The following NAPB variants were observed in gnomAD, a reference collection of about 807,000 sequenced individuals.
NAPB encodes the protein beta-soluble NSF attachment protein.
NAPB carries 26 observed loss-of-function variants against 44.7 expected under a neutral mutation model. The ratio of observed to expected loss-of-function variants is 0.58; its 90% CI spans 0.43 to 0.81. NAPB has a LOEUF of 0.81. Among genes scored for constraint, NAPB ranks in the 30% least tolerant of loss-of-function variants. NAPB has a pLI of 0.00. For synonymous variants in NAPB, 120 were observed against 116.8 expected, an observed-to-expected ratio of 1.03 and a Z score of -0.18; for missense variants, 315 against 356.4, an observed-to-expected ratio of 0.88 and a Z score of 0.94.
At chr20:23,396,957 A>G in intron 3 of NAPB, 115 bp downstream of exon 3, 2 of 1,137,042 alleles carry the variant, frequency 1.8e-6, no homozygotes, top group Non-Finnish European at 2.4e-6. Flanking sequence ...CCAAAATACA[A>G]AAATTCCTTT....
chr20:23,381,787 G>C (rs1327650719), intron 7 of NAPB, among the ~76,000 whole-genome samples: 1 of 152,090 alleles, frequency 6.6e-6, no homozygotes, highest in African/African-American at 2.4e-5. Flanking sequence ...ACTAGAAAAG[G>C]GGCAGCCCAG....
intron 7 of NAPB, among the ~76,000 whole-genome samples, chr20:23,382,191 T>C (rs1983065091): frequency 6.6e-6 from 1 of 152,188 alleles, no homozygotes; most frequent in Non-Finnish European, 1.5e-5. Flanking sequence ...GGAGAGGGGA[T>C]GCCACTTCTG....
At chr20:23,418,419 A>G (rs191623878) in intron 1 of NAPB, among the ~76,000 whole-genome samples, 12 of 152,314 alleles carry the variant, frequency 7.9e-5, no homozygotes, top group African/African-American at 2.9e-4. Flanking sequence ...CTAAACATCT[A>G]AAATTGATAC....
chr20:23,399,515 T>C (rs899732222), intron 2 of NAPB, among the ~76,000 whole-genome samples: 1 of 152,188 alleles, frequency 6.6e-6, no homozygotes, highest in Non-Finnish European at 1.5e-5. Context: ...CTCTGAACAA[T>C]ACGTTCATTT....
intron 7 of NAPB, among the ~76,000 whole-genome samples, chr20:23,385,045 A>G (rs895856981): frequency 6.6e-6 from 1 of 151,896 alleles, no homozygotes; most frequent in African/African-American, 2.4e-5. Context: ...CTTGAATCCA[A>G]GAGGTAGAGG....
At chr20:23,385,877 A>G (rs887436911) in intron 7 of NAPB, among the ~76,000 whole-genome samples, 2 of 152,210 alleles carry the variant, frequency 1.3e-5, no homozygotes, top group South Asian at 2.1e-4. Context: ...ACATCACCCA[A>G]TAACAGCATA....
chr20:23,403,112 A>G, intron 1 of NAPB, 40 bp from the exon 2 acceptor site: 1 of 1,430,528 alleles, frequency 7.0e-7, no homozygotes, highest in Non-Finnish European at 9.8e-7. Context: ...ACAACCATCC[A>G]CATCTCTAAT....
chr20:23,421,292 G>T lies in NAPB; in HGVS notation c.98+13C>A. The T allele has an allele frequency of 6.5e-7, 1 of 1,548,110 alleles. No individual in the cohort carries two copies. Among genetic ancestry groups the T allele is most frequent in the Non-Finnish European group, 8.7e-7 (1 of 1,144,780 alleles). ...ACCCCCCCCCCCCAGGGCACGCACG[G>T]TCTGGCGCTCACCCAAACAGCCCTC... On this transcript the variant is annotated intron_variant, in intron 1 of 10. Coordinates refer to ENST00000377026, the MANE Select transcript of NAPB (RefSeq NM_022080.3).
chr20:23,412,719 A>G (rs1256406204), intron 1 of NAPB, among the ~76,000 whole-genome samples: 1 of 152,236 alleles, frequency 6.6e-6, no homozygotes, highest in African/African-American at 2.4e-5. Flanking sequence ...TCCACCTTCT[A>G]AAGTATACAT....
chr20:23,402,956 C>T (rs1293483796), intron 2 of NAPB, 37 bp downstream of exon 2: 1 of 1,509,482 alleles, frequency 6.6e-7, no homozygotes, highest in African/African-American at 1.4e-5. Context: ...GATTTTAAAC[C>T]ATTTGCCTAA....
chr20:23,385,048 G>C (rs530663361), intron 7 of NAPB, among the ~76,000 whole-genome samples: 2 of 152,230 alleles, frequency 1.3e-5, no homozygotes, highest in Non-Finnish European at 2.9e-5. Context: ...GAATCCAAGA[G>C]GTAGAGGTTG....
intron 1 of NAPB, among the ~76,000 whole-genome samples, chr20:23,419,479 G>A (rs1986239257): frequency 6.6e-6 from 1 of 152,316 alleles, no homozygotes. Context: ...GTTCTCCTGA[G>A]ACAAGCACCA....
intron 1 of NAPB, among the ~76,000 whole-genome samples, chr20:23,416,292 A>C (rs1985999367): frequency 1.3e-5 from 2 of 152,354 alleles, no homozygotes; most frequent in South Asian, 2.1e-4. Flanking sequence ...AAATGCAACA[A>C]GAAAAAGGCC....
chr20:23,389,082 G>A (rs747810385), intron 7 of NAPB, among the ~76,000 whole-genome samples: 11 of 152,010 alleles, frequency 7.2e-5, no homozygotes, highest in East Asian at 3.9e-4. Context: ...ATTAAAATCC[G>A]GAGAAAGTAC....
At chr20:23,380,879 A>G (rs1982946970) in intron 8 of NAPB, 1 of 175,912 alleles carries the variant, frequency 5.7e-6, no homozygotes, top group African/African-American at 2.4e-5. Context: ...CTACCAGTGA[A>G]CATATACATA....
chr20:23,402,965 A>C (rs368999007), intron 2 of NAPB, 28 bp downstream of exon 2: 4 of 1,577,928 alleles, frequency 2.5e-6, no homozygotes, highest in Non-Finnish European at 3.5e-6. Flanking sequence ...CCATTTGCCT[A>C]AAAAGCAAAC....
Position 23,421,191 on chromosome 20 carries a change from A to G in NAPB, c.98+114T>C, listed in dbSNP as rs1986397796. On this transcript the variant is annotated intron_variant, in intron 1 of 10. Transcript: ENST00000377026. The stretch of plus-strand genomic sequence containing the variant: ...GCGCCTGCAGGCTGAGGGCCCCTAG[A>G]CGTGGTCTGAGGGCCCCAGAGGTTG... 5 of 830,094 alleles carry G rather than the reference A, an allele frequency of 6.0e-6. No homozygotes were observed. The Admixed American group carries it at 1.2e-4, about 20-fold the overall frequency. The allele number at this position is 830,094 out of a possible 1,614,324, so 51.4% of individuals were successfully genotyped here.
At chr20:23,393,819 A>G (rs1984151052) in intron 5 of NAPB, among the ~76,000 whole-genome samples, 1 of 152,186 alleles carries the variant, frequency 6.6e-6, no homozygotes, top group Non-Finnish European at 1.5e-5. Flanking sequence ...GGCACGGGGA[A>G]GTTAGCCATG....
At chr20:23,401,904 TTAAG>T (rs150505340) in intron 2 of NAPB, among the ~76,000 whole-genome samples, 11,551 of 152,066 alleles carry the variant, frequency 0.076, 664 homozygotes, top group East Asian at 0.3. Flanking sequence ...AATAAACAAA[TTAAG>T]TAAGTAAATA....
Sources: gnomAD v4.1 joint callset for allele counts (sites outside exome capture counted in the v4.1 genomes callset) on GRCh38, gnomAD v4.1.1 for gene constraint, MANE v1.5 for transcripts, NCBI Gene and HGNC (gene_info 2026-07-23, HGNC 2026-07-21) for gene names.